The following PHF14 variants were observed in gnomAD, a reference collection of about 807,000 sequenced individuals.
PHF14 encodes PHD finger protein 14.
In PHF14, 55 loss-of-function variants were observed where a neutral mutation model predicts 117.9. The observed-to-expected ratio is 0.47, with a 90% CI of 0.38 to 0.58. PHF14 has a LOEUF of 0.58. Ranked by LOEUF, PHF14 falls within the 20% of genes least tolerant of loss-of-function variation. PHF14 has a pLI of 0.00. For missense variants in PHF14, 978 were observed against 1,122.2 expected, an observed-to-expected ratio of 0.87 and a Z score of 1.84; for synonymous variants, 409 against 368.6, an observed-to-expected ratio of 1.11 and a Z score of -1.26.
At chr7:11,169,254 C>G (rs1243086857) in intron 17 of PHF14, among the ~76,000 whole-genome samples, 162 bp from the exon 18 acceptor site, 2 of 152,064 alleles carry the variant, frequency 1.3e-5, no homozygotes, top group Non-Finnish European at 2.9e-5. Flanking sequence ...AAAACAGCAC[C>G]TATTGCAAAT....
rs1464486117 is a variant in PHF14, at chr7:11,075,587, T to TTTTA, written c.2654+13505_2654+13508dup. Among the ~76,000 whole-genome samples the TTTTA allele has an allele frequency of 4.8e-3, 636 of 131,684 alleles. 3 individuals carry two copies. The highest frequency in any genetic ancestry group is 7.8e-3 in the Non-Finnish European group (480 of 61,278). The allele number at this position is 131,684 out of a possible 152,430, so 86.4% of individuals were successfully genotyped here. On this transcript the variant is annotated intron_variant, in intron 16 of 17. Transcript: ENST00000634607. ...AGGTTTTTTTTTTTTTTTTTTTTTT[T>TTTTA]TTTATTATTATGCCATTCATGAGGG...
At chr7:11,135,183 C>G (rs1788185309) in intron 17 of PHF14, among the ~76,000 whole-genome samples, 1 of 152,052 alleles carries the variant, frequency 6.6e-6, no homozygotes, top group Non-Finnish European at 1.5e-5. Context: ...TAAACTTGGG[C>G]AAGTGGCATA....
At chr7:11,085,288 T>A (rs894044908) in intron 16 of PHF14, among the ~76,000 whole-genome samples, 5 of 152,204 alleles carry the variant, frequency 3.3e-5, no homozygotes, top group African/African-American at 1.2e-4. Context: ...AAAATACTGT[T>A]TTGCTTTACC....
At chr7:11,044,572 T>G (rs1784606456) in intron 13 of PHF14, among the ~76,000 whole-genome samples, 1 of 152,170 alleles carries the variant, frequency 6.6e-6, no homozygotes, top group Admixed American at 6.5e-5. Context: ...TTTTGGAGTG[T>G]GCAAGATTCA....
chr7:11,005,612 C>T (rs550140252), intron 4 of PHF14, among the ~76,000 whole-genome samples: 11 of 152,210 alleles, frequency 7.2e-5, no homozygotes, highest in African/African-American at 2.6e-4. Context: ...TGTAATTCTT[C>T]TCATGTCAGT....
At chr7:11,123,606 C>T (rs1787835754) in intron 17 of PHF14, among the ~76,000 whole-genome samples, 1 of 152,062 alleles carries the variant, frequency 6.6e-6, no homozygotes, top group Non-Finnish European at 1.5e-5. Flanking sequence ...ATGGTGAAAC[C>T]ATATCTCTAC....
intron 2 of PHF14, among the ~76,000 whole-genome samples, chr7:10,975,164 A>G (rs1781817191): frequency 6.6e-6 from 1 of 152,212 alleles, no homozygotes; most frequent in Admixed American, 6.5e-5. Flanking sequence ...CAGGGGAAGG[A>G]CTTTTTCCAA....
chr7:11,009,923 A>G (rs1444454998), intron 4 of PHF14, among the ~76,000 whole-genome samples: 2 of 152,204 alleles, frequency 1.3e-5, no homozygotes, highest in Non-Finnish European at 1.5e-5. Context: ...CTCTGTGCAA[A>G]TGTGCACGTT....
In PHF14 at chr7:10,974,132, GGC is replaced by G. The variant is rs1781778587; in HGVS notation, c.-191_-190del. On this transcript the variant is annotated 5_prime_UTR_variant, in exon 1 of 18. Coordinates refer to ENST00000634607, the MANE Select transcript of PHF14 (RefSeq NM_001007157.2). ...GGCTCGAGCGGCCAGGGCCAGGCGA[GGC>G]CGGGGGGGCGGGGGGTTAGGGGACC... is the stretch of plus-strand genomic sequence containing the variant. The G allele has an allele frequency of 1.7e-6, 1 of 596,762 alleles. No individual in the cohort carries two copies. The highest frequency in any genetic ancestry group is 1.9e-5 in the African/African-American group (1 of 53,778). 37.0% of individuals were successfully genotyped at this position (596,762 alleles called of 1,614,324 possible). A position where few individuals can be genotyped will look rare whatever the true frequency, so the allele number is the denominator to read the frequency against.
In PHF14 at chr7:11,022,933, G is replaced by A. The variant is rs771717512; in HGVS notation, c.1271G>A (p.Arg424Gln). Reference sequence around the variant, plus strand: ...GCCTTTGGAGATATTGACAAATTACGACCAGTAACACTAACGGAAATGAAC... The same window carrying A: ...GCCTTTGGAGATATTGACAAATTACAACCAGTAACACTAACGGAAATGAAC... Reference protein sequence around the residue: ...GVAFGDIDKLRPVTLTEMNYS... With the variant: ...GVAFGDIDKLQPVTLTEMNYS... Residue 424 changes from arginine (R) to glutamine (Q), a missense_variant, in exon 6 of 18, where the codon CGA becomes CAA. Arg to Gln is a conservative substitution (Grantham distance 43). Transcript: ENST00000634607. 3.7e-6 allele frequency: 6 copies of A among 1,610,432 alleles called. No homozygotes were observed. Among genetic ancestry groups the A allele is most frequent in the South Asian group, 1.1e-5 (1 of 90,432 alleles).
At chr7:11,135,702 T>C (rs1222385851) in intron 17 of PHF14, among the ~76,000 whole-genome samples, 2 of 152,188 alleles carry the variant, frequency 1.3e-5, no homozygotes, top group Middle Eastern at 3.2e-3. Flanking sequence ...GCCGTGGTTA[T>C]ATTTCCACAG....
intron 16 of PHF14, among the ~76,000 whole-genome samples, chr7:11,087,663 A>G (rs960005651): frequency 6.6e-6 from 1 of 152,182 alleles, no homozygotes; most frequent in African/African-American, 2.4e-5. Flanking sequence ...TTATAACCAC[A>G]ACTATATTTG....
At position 11,105,565 on chromosome 7, in the gene PHF14, T is replaced by TAG. The variant is rs1787230993; in HGVS notation, c.2655-5784_2655-5783insGA. 6.1e-6 allele frequency: 6 copies of TAG among 982,936 alleles called. No individual in the cohort carries two copies. In the South Asian group the frequency reaches 1.9e-4, roughly 31 times the overall value. 60.9% of individuals were successfully genotyped at this position (982,936 alleles called of 1,614,324 possible). A position where few individuals can be genotyped will look rare whatever the true frequency, so the allele number is the denominator to read the frequency against. ...TTAAAAATGGCAATTGAAACTTGTT[T>TAG]AAGAGACTCAACTTGGAGTTTCCTG... On this transcript the variant is annotated intron_variant, in intron 16 of 17. Transcript: ENST00000634607.
chr7:11,010,012 C>T (rs1295664249), intron 4 of PHF14, among the ~76,000 whole-genome samples: 2 of 152,224 alleles, frequency 1.3e-5, no homozygotes, highest in African/African-American at 4.8e-5. Flanking sequence ...CTGTGATTTA[C>T]CTTGATTTGG....
At chr7:11,099,324 G>T (rs1787000556) in intron 16 of PHF14, among the ~76,000 whole-genome samples, 1 of 151,766 alleles carries the variant, frequency 6.6e-6, no homozygotes, top group African/African-American at 2.4e-5. Context: ...AATATTTTTT[G>T]TTTATGTTAT....
At chr7:11,110,974 T>G (rs953773727) in intron 16 of PHF14, 2 of 155,528 alleles carry the variant, frequency 1.3e-5, no homozygotes, top group Admixed American at 1.3e-4. Context: ...ATGTATCTTA[T>G]TAAATACTTT....
At chr7:11,079,086 G>A (rs528449744) in intron 16 of PHF14, among the ~76,000 whole-genome samples, 6 of 152,192 alleles carry the variant, frequency 3.9e-5, no homozygotes, top group African/African-American at 1.4e-4. Flanking sequence ...GATGAATTAA[G>A]GTTATCAGTT....
chr7:11,167,780 G>A (rs901549156), intron 17 of PHF14, among the ~76,000 whole-genome samples: 1 of 152,162 alleles, frequency 6.6e-6, no homozygotes, highest in Non-Finnish European at 1.5e-5. Context: ...TGTAATCCCG[G>A]CACTTTGGGA....
intron 4 of PHF14, among the ~76,000 whole-genome samples, chr7:11,010,653 C>T (rs1004646569): frequency 9.9e-5 from 15 of 151,856 alleles, no homozygotes; most frequent in African/African-American, 3.6e-4. Context: ...TATACACACA[C>T]ACATGCATAA....
Sources: allele counts gnomAD v4.1 joint callset (sites outside exome capture counted in the v4.1 genomes callset), GRCh38; gene constraint gnomAD v4.1.1; transcripts MANE v1.5; gene names NCBI Gene and HGNC (gene_info 2026-07-23, HGNC 2026-07-21).